Variants in RALY observed in about 807,000 individuals in gnomAD.
RALY encodes the protein RNA-binding protein Raly.
A neutral mutation model predicts 30.7 loss-of-function variants in RALY; 15 were observed. The ratio of observed to expected loss-of-function variants is 0.49; its 90% CI spans 0.33 to 0.75. The LOEUF (loss-of-function observed/expected upper bound fraction) is 0.75. Ranked by LOEUF, RALY falls within the 30% of genes least tolerant of loss-of-function variation. The pLI is 0.02. For missense variants in RALY, 339 were observed against 414.3 expected (o/e 0.82, Z 1.58); for synonymous variants, 177 against 170.8 (o/e 1.04, Z -0.28).
At chr20:34,022,318 G>A (rs1046722446) in intron 1 of RALY, among the ~76,000 whole-genome samples, 4 of 151,918 alleles carry the variant, frequency 2.6e-5, no homozygotes, top group Non-Finnish European at 1.5e-5. Flanking sequence ...GACAGATACC[G>A]TAGAAAATCT....
At chr20:34,076,555 G>C in intron 6 of RALY, 147 bp from the exon 7 acceptor site, 1 of 664,666 alleles carries the variant, frequency 1.5e-6, no homozygotes, top group Non-Finnish European at 2.5e-6. Flanking sequence ...GGTAGTCTAA[G>C]GAGGAGACCT....
At chr20:34,007,547 C>T (rs2031212973) in intron 1 of RALY, among the ~76,000 whole-genome samples, 1 of 151,570 alleles carries the variant, frequency 6.6e-6, no homozygotes, top group Non-Finnish European at 1.5e-5. Flanking sequence ...AAGCCAGGTG[C>T]AGTGGCTCAC....
chr20:34,018,294 C>T (rs1464695196), intron 1 of RALY, among the ~76,000 whole-genome samples: 1 of 152,204 alleles, frequency 6.6e-6, no homozygotes, highest in Non-Finnish European at 1.5e-5. Flanking sequence ...TATTTCTAGA[C>T]TTCTGTGGGG....
intron 8 of RALY, chr20:34,077,789 G>A (rs564487617): frequency 2.7e-4 from 50 of 186,330 alleles, no homozygotes; most frequent in Middle Eastern, 2.5e-3. Flanking sequence ...TACACTTGCT[G>A]CTCATTTACT....
chr20:33,994,155 C>CA (rs2030459676), intron 1 of RALY, 24 bp downstream of exon 1: 1 of 152,388 alleles, frequency 6.6e-6, no homozygotes, highest in Non-Finnish European at 1.5e-5. Flanking sequence ...GCGGGCGTCT[C>CA]CTTAGGGGTG....
intron 2 of RALY, among the ~76,000 whole-genome samples, chr20:34,053,383 ATTTTTTTTTTTTTTT>A (rs60912814): frequency 2.8e-4 from 15 of 54,098 alleles, no homozygotes; most frequent in Admixed American, 9.1e-4. Context: ...ATGTTCAATA[ATTTTTTTTTTTTTTT>A]TTTTTTTTTT....
intron 1 of RALY, among the ~76,000 whole-genome samples, chr20:34,018,163 G>A (rs2031678302): frequency 6.6e-6 from 1 of 152,258 alleles, no homozygotes; most frequent in Admixed American, 6.5e-5. Flanking sequence ...CAGATGGACT[G>A]CTCTGAGCCC....
At chr20:34,044,014 G>A (rs1391720643) in intron 2 of RALY, among the ~76,000 whole-genome samples, 1 of 151,926 alleles carries the variant, frequency 6.6e-6, no homozygotes, top group Non-Finnish European at 1.5e-5. Flanking sequence ...TGAGGCATTT[G>A]GTAATTATGA....
In RALY at chr20:34,050,109, C is replaced by T. The variant is rs2033026541; in HGVS notation, c.-10+18505C>T. 2.0e-5 allele frequency among the ~76,000 whole-genome samples: 3 copies of T among 152,168 alleles called. 1 individual carries two copies. Among genetic ancestry groups the T allele is most frequent in the Non-Finnish European group, 4.4e-5 (3 of 68,028 alleles). On this transcript the variant is annotated intron_variant, in intron 2 of 9. Coordinates refer to ENST00000246194, the MANE Select transcript of RALY (RefSeq NM_016732.3). ...CAGAGTGCCATTTACTGAGCCACTA[C>T]TTCATTGGCTACTCATAGCAACTTG... is the stretch of plus-strand genomic sequence containing the variant.
At chr20:34,011,590 C>G (rs373106136) in intron 1 of RALY, among the ~76,000 whole-genome samples, 26 of 152,296 alleles carry the variant, frequency 1.7e-4, no homozygotes, top group African/African-American at 5.5e-4. Flanking sequence ...TAACCATAAG[C>G]AGGAGTGGAA....
chr20:34,031,801 AG>A (rs1316314379), intron 2 of RALY, among the ~76,000 whole-genome samples, 197 bp downstream of exon 2: 1 of 152,202 alleles, frequency 6.6e-6, no homozygotes, highest in Non-Finnish European at 1.5e-5. Context: ...AATTGCCACA[AG>A]AATGTCTGAG....
At position 34,076,792 on chromosome 20, in the gene RALY, C is replaced by T. The variant is rs1287113139; in HGVS notation, c.635C>T (p.Ala212Val). The change falls in exon 7 of 10, where the codon GCT becomes GTT. Residue 212 changes from alanine (A) to valine (V), a missense_variant. Around this residue, in one of 2 missense-constraint regions of RALY, gnomAD observed 268 missense variants for 280.6 expected, o/e 0.95. Coordinates refer to ENST00000246194, the MANE Select transcript of RALY (RefSeq NM_016732.3). Reference sequence around the variant, plus strand: ...CTGCTGAGCCGCTTGGAGCAGATCGCTGCGGAGCAAAAGGCCAATCCAGGT... The same window carrying T: ...CTGCTGAGCCGCTTGGAGCAGATCGTTGCGGAGCAAAAGGCCAATCCAGGT... ...DALLSRLEQI[A>V]AEQKANPDGK... 1.2e-6 allele frequency: 2 copies of T among 1,613,994 alleles called. No homozygotes were observed. Among genetic ancestry groups the T allele is most frequent in the East Asian group, 2.2e-5 (1 of 44,884 alleles).
In RALY at chr20:34,081,726, C is replaced by CT. The variant is rs1269726523; in HGVS notation, c.*1822dup. 6.6e-6 allele frequency: 1 copy of CT among 152,328 alleles called. No homozygotes were observed. The allele number at this position is 152,328 out of a possible 1,614,324, so 9.4% of individuals were successfully genotyped here. A position where few individuals can be genotyped will look rare whatever the true frequency, so the allele number is the denominator to read the frequency against. On this transcript the variant is annotated 3_prime_UTR_variant, in exon 10 of 10. Coordinates refer to ENST00000246194, the MANE Select transcript of RALY (RefSeq NM_016732.3). ...CTGTCATCCTGGGCAGGCGAGCACT[C>CT]TGAGGCCCCAGTGTAGCTCTGTGCT... is the stretch of plus-strand genomic sequence containing the variant.
intron 2 of RALY, among the ~76,000 whole-genome samples, chr20:34,033,927 A>G (rs912432669): frequency 6.6e-6 from 1 of 152,130 alleles, no homozygotes; most frequent in Non-Finnish European, 1.5e-5. Flanking sequence ...CCATAAGGAA[A>G]GGGATTCCAG....
chr20:34,017,666 CAG>C (rs1440811642), intron 1 of RALY: 1 of 152,244 alleles, frequency 6.6e-6, no homozygotes, highest in East Asian at 1.9e-4. Flanking sequence ...CTACGGAGTG[CAG>C]AGTCAGGTTT....
intron 2 of RALY, among the ~76,000 whole-genome samples, chr20:34,054,193 T>G (rs1307492542): frequency 6.6e-6 from 1 of 152,224 alleles, no homozygotes; most frequent in Non-Finnish European, 1.5e-5. Flanking sequence ...AACCATTTAC[T>G]GAAAAACGCC....
chr20:34,033,541 G>A (rs1601444439), intron 2 of RALY, among the ~76,000 whole-genome samples: 1 of 152,106 alleles, frequency 6.6e-6, no homozygotes, highest in Admixed American at 6.5e-5. Context: ...GGTAAGAAAG[G>A]GAGAGGGGAG....
chr20:33,998,615 A>G (rs1311032593), intron 1 of RALY, among the ~76,000 whole-genome samples: 3 of 152,086 alleles, frequency 2.0e-5, no homozygotes, highest in African/African-American at 4.8e-5. Flanking sequence ...AAGTCAGGAA[A>G]GGGCCTTCTT....
intron 2 of RALY, among the ~76,000 whole-genome samples, chr20:34,044,340 T>C (rs1471730681): frequency 2.0e-5 from 3 of 152,158 alleles, no homozygotes; most frequent in Non-Finnish European, 2.9e-5. Context: ...TTTTTTTTTT[T>C]CCGAGATGGG....
Sources: gnomAD v4.1 joint callset for allele counts (sites outside exome capture counted in the v4.1 genomes callset) on GRCh38, gnomAD v4.1.1 for gene constraint, gnomAD v4.1.1 regional missense constraint, MANE v1.5 for transcripts, NCBI Gene and HGNC (gene_info 2026-07-23, HGNC 2026-07-21) for gene names.